Variants in THADA observed in about 807,000 individuals in gnomAD.
THADA encodes THADA armadillo repeat containing.
THADA carries 213 observed loss-of-function variants against 219.8 expected under a neutral mutation model. That is an observed-to-expected ratio of 0.97 (90% CI 0.87 to 1.09). The LOEUF (loss-of-function observed/expected upper bound fraction) is 1.09. Among genes scored for constraint, THADA ranks in the 50% least tolerant of loss-of-function variants. THADA has a pLI of 0.00. For missense variants in THADA, 2,956 were observed against 2,311.3 expected (o/e 1.28, Z -5.72); for synonymous variants, 1,018 against 828.9 (o/e 1.23, Z -3.92).
At chr2:43,270,413 C>T (rs1046481870) in intron 36 of THADA, among the ~76,000 whole-genome samples, 1 of 152,192 alleles carries the variant, frequency 6.6e-6, no homozygotes, top group Non-Finnish European at 1.5e-5. Context: ...ACTCTGGTAT[C>T]TCAGCTCTGG....
intron 22 of THADA, among the ~76,000 whole-genome samples, chr2:43,519,278 T>C (rs1401912563): frequency 6.6e-6 from 1 of 152,148 alleles, no homozygotes; most frequent in Admixed American, 6.6e-5. Context: ...CAATAAACTT[T>C]TGTTAAACTG....
chr2:43,523,124 G>C (rs1692700927), intron 22 of THADA, among the ~76,000 whole-genome samples: 1 of 152,138 alleles, frequency 6.6e-6, no homozygotes, highest in Non-Finnish European at 1.5e-5. Flanking sequence ...CCAGCACTTT[G>C]GAAGGCTGAG....
chr2:43,390,094 G>C (rs1673176868), intron 29 of THADA, among the ~76,000 whole-genome samples: 1 of 152,178 alleles, frequency 6.6e-6, no homozygotes, highest in African/African-American at 2.4e-5. Context: ...CAGGTCCAGA[G>C]GGTTAAGGTA....
chr2:43,501,007 T>C (rs1192001776), intron 24 of THADA, among the ~76,000 whole-genome samples: 1 of 151,570 alleles, frequency 6.6e-6, no homozygotes. Flanking sequence ...TCAAAAATAA[T>C]CTATAAGACG....
intron 31 of THADA, among the ~76,000 whole-genome samples, chr2:43,296,882 G>A (rs1305944462): frequency 2.7e-5 from 4 of 149,872 alleles, no homozygotes; most frequent in South Asian, 2.3e-4. Flanking sequence ...GACGGGCCCC[G>A]CGGGGCCCGA....
chr2:43,430,754 T>TAC, intron 26 of THADA: 3 of 394,422 alleles, frequency 7.6e-6, no homozygotes, highest in South Asian at 5.5e-5. Context: ...GGGACTGTCC[T>TAC]ACACATTGTG....
At chr2:43,347,036 G>C (rs773371308) in intron 29 of THADA, among the ~76,000 whole-genome samples, 4 of 152,152 alleles carry the variant, frequency 2.6e-5, no homozygotes, top group Non-Finnish European at 5.9e-5. Context: ...GTGGAACGGA[G>C]AGCTGAATCA....
At chr2:43,241,392 T>C (rs1668605651) in intron 36 of THADA, among the ~76,000 whole-genome samples, 2 of 151,910 alleles carry the variant, frequency 1.3e-5, no homozygotes, top group South Asian at 4.2e-4. Context: ...CCTGGCATCC[T>C]TTTTGTTTTA....
At chr2:43,505,547 A>G (rs1041253320) in intron 24 of THADA, 75 bp downstream of exon 24, 1 of 1,100,806 alleles carries the variant, frequency 9.1e-7, no homozygotes, top group Admixed American at 2.2e-5. Context: ...AGACGGTAAC[A>G]GCCGTCTTGA....
chr2:43,334,402 TG>T (rs1666154078), intron 30 of THADA, among the ~76,000 whole-genome samples: 1 of 152,132 alleles, frequency 6.6e-6, no homozygotes, highest in African/African-American at 2.4e-5. Context: ...TCATTAGGTC[TG>T]GTACATTGAG....
In THADA at chr2:43,537,835, T is replaced by C. The variant is rs550008700; in HGVS notation, c.3264+3324A>G. Among the ~76,000 whole-genome samples the C allele has an allele frequency of 3.3e-4, 50 of 150,744 alleles. 1 individual carries two copies. The South Asian group carries it at 0.01, about 30-fold the overall frequency. On this transcript the variant is annotated intron_variant, in intron 21 of 37. Transcript: ENST00000405975. ...AGCCAGGAGTGGTAGCACACACCTA[T>C]AGTCCCAAATATTTGGGAGGCTTAA...
At chr2:43,425,466 GT>G (rs1678311161) in intron 28 of THADA, among the ~76,000 whole-genome samples, 1 of 151,356 alleles carries the variant, frequency 6.6e-6, no homozygotes, top group Non-Finnish European at 1.5e-5. Context: ...GTGTGTGTGT[GT>G]GTGTGTGTGT....
At chr2:43,234,224 C>T (rs559967575) in intron 36 of THADA, among the ~76,000 whole-genome samples, 1 of 152,336 alleles carries the variant, frequency 6.6e-6, no homozygotes, top group South Asian at 2.1e-4. Flanking sequence ...ATGCAAAGCG[C>T]AGATTTGGAG....
chr2:43,522,028 G>C (rs892924228), intron 22 of THADA, among the ~76,000 whole-genome samples: 4 of 152,064 alleles, frequency 2.6e-5, no homozygotes, highest in African/African-American at 9.7e-5. Flanking sequence ...CTAACTTAGA[G>C]ATTTTCCCAA....
At chr2:43,334,422 C>G (rs889973063) in intron 30 of THADA, among the ~76,000 whole-genome samples, 2 of 152,102 alleles carry the variant, frequency 1.3e-5, no homozygotes, top group African/African-American at 4.8e-5. Context: ...AGCAGGCTTT[C>G]AACAAACATT....
At chr2:43,250,389 G>C (rs757127474) in intron 36 of THADA, among the ~76,000 whole-genome samples, 3 of 152,214 alleles carry the variant, frequency 2.0e-5, no homozygotes, top group African/African-American at 7.2e-5. Flanking sequence ...AGTTGCCAGA[G>C]GCCAGGGGAT....
intron 29 of THADA, among the ~76,000 whole-genome samples, chr2:43,361,529 A>G (rs1418814832): frequency 6.6e-6 from 1 of 152,186 alleles, no homozygotes; most frequent in East Asian, 1.9e-4. Context: ...CTAGCTCTGC[A>G]TTATCAGTAG....
At chr2:43,325,536 A>G (rs977750034) in intron 30 of THADA, among the ~76,000 whole-genome samples, 5 of 152,036 alleles carry the variant, frequency 3.3e-5, no homozygotes, top group African/African-American at 1.2e-4. Context: ...AAGGAAAGAA[A>G]GAAGGAAGAA....
intron 30 of THADA, chr2:43,343,642 T>C (rs2104535272): frequency 6.5e-6 from 1 of 152,718 alleles, no homozygotes; most frequent in South Asian, 2.1e-4. Flanking sequence ...TATTCTTTTT[T>C]GCCTTGCTTA....
Sources: gnomAD v4.1 joint callset for allele counts (sites outside exome capture counted in the v4.1 genomes callset) on GRCh38, gnomAD v4.1.1 for gene constraint, MANE v1.5 for transcripts, NCBI Gene and HGNC (gene_info 2026-07-23, HGNC 2026-07-21) for gene names.